DLGAP2: variants seen among roughly 807,000 people sequenced by gnomAD.
The protein encoded by DLGAP2 is DLG associated protein 2.
DLGAP2 carries 26 observed loss-of-function variants against 100.3 expected under a neutral mutation model. That is an observed-to-expected ratio of 0.26 (90% CI 0.19 to 0.36). The LOEUF is 0.36. DLGAP2 is among the 10% of genes least tolerant of loss of function. DLGAP2 has a pLI of 1.00. For synonymous variants in DLGAP2, 886 were observed against 630.1 expected (o/e 1.41, Z -6.08); for missense variants, 1,858 against 1,453.2 (o/e 1.28, Z -4.53).
chr8:851,743 T>C (rs893186535), intron 1 of DLGAP2, among the ~76,000 whole-genome samples: 2 of 152,146 alleles, frequency 1.3e-5, no homozygotes, highest in African/African-American at 2.4e-5. Context: ...CTCCCTCATT[T>C]AACACGATTC....
chr8:1,326,557 G>A (rs1032512130), intron 3 of DLGAP2, among the ~76,000 whole-genome samples: 1 of 151,454 alleles, frequency 6.6e-6, no homozygotes, highest in Non-Finnish European at 1.5e-5. Flanking sequence ...GACATGGCAC[G>A]CACTCGGTCT....
intron 2 of DLGAP2, among the ~76,000 whole-genome samples, chr8:1,196,629 G>T (rs1421011480): frequency 1.3e-5 from 2 of 152,200 alleles, no homozygotes; most frequent in African/African-American, 4.8e-5. Flanking sequence ...GTCGAGGGGG[G>T]TATCTCTGAG....
intron 3 of DLGAP2, among the ~76,000 whole-genome samples, chr8:1,380,871 G>C (rs533453393): frequency 7.9e-6 from 1 of 126,144 alleles, no homozygotes; most frequent in African/African-American, 2.9e-5. Context: ...CATAAGAATT[G>C]CAAAATATGA....
At chr8:1,029,514 T>A (rs1801914149) in intron 2 of DLGAP2, among the ~76,000 whole-genome samples, 1 of 151,764 alleles carries the variant, frequency 6.6e-6, no homozygotes, top group Non-Finnish European at 1.5e-5. Context: ...CGTCCAGCGG[T>A]GCCGAGAGGT....
chr8:1,526,611 G>A (rs148766098), intron 4 of DLGAP2, among the ~76,000 whole-genome samples: 1 of 152,328 alleles, frequency 6.6e-6, no homozygotes, highest in East Asian at 1.9e-4. Context: ...TGACCGCTGA[G>A]TTCTGCCACT....
intron 4 of DLGAP2, among the ~76,000 whole-genome samples, chr8:1,520,923 A>G (rs892369912): frequency 1.3e-5 from 2 of 152,032 alleles, no homozygotes; most frequent in Admixed American, 6.6e-5. Flanking sequence ...TTTGTAAGAA[A>G]CCACGAAACT....
intron 3 of DLGAP2, among the ~76,000 whole-genome samples, chr8:1,464,773 C>G (rs1424755922): frequency 6.6e-6 from 1 of 152,192 alleles, no homozygotes; most frequent in African/African-American, 2.4e-5. Flanking sequence ...CCGTCCTGGC[C>G]TCCAGCGAAG....
At chr8:1,495,489 C>T (rs1478685832) in intron 3 of DLGAP2, among the ~76,000 whole-genome samples, 2 of 152,214 alleles carry the variant, frequency 1.3e-5, no homozygotes, top group South Asian at 2.1e-4. Context: ...GCTGAGGGGC[C>T]GCCATCATGA....
At chr8:1,380,881 A>G (rs1217176998) in intron 3 of DLGAP2, among the ~76,000 whole-genome samples, 1 of 118,004 alleles carries the variant, frequency 8.5e-6, no homozygotes, top group Admixed American at 1.2e-4. Context: ...GCAAAATATG[A>G]TTTTGGTGAC....
chr8:978,922 G>A (rs535908716), intron 2 of DLGAP2, among the ~76,000 whole-genome samples: 5 of 152,264 alleles, frequency 3.3e-5, no homozygotes, highest in Admixed American at 6.5e-5. Context: ...AAATAACTCC[G>A]TAATCTTTCT....
At chr8:1,595,822 T>C (rs1241812923) in intron 6 of DLGAP2, among the ~76,000 whole-genome samples, 1 of 152,080 alleles carries the variant, frequency 6.6e-6, no homozygotes, top group African/African-American at 2.4e-5. Flanking sequence ...AACTAAGTGC[T>C]AAATGAAATT....
At chr8:994,321 C>T (rs545121885) in intron 2 of DLGAP2, among the ~76,000 whole-genome samples, 1 of 152,286 alleles carries the variant, frequency 6.6e-6, no homozygotes, top group East Asian at 1.9e-4. Flanking sequence ...CTGCCTTAGC[C>T]TCCCGAGTAG....
chr8:1,025,905 G>C (rs1801784364), intron 2 of DLGAP2, among the ~76,000 whole-genome samples: 1 of 152,154 alleles, frequency 6.6e-6, no homozygotes, highest in African/African-American at 2.4e-5. Context: ...GACAGAGCAC[G>C]CTGCAGGGAA....
At chr8:1,350,782 G>A (rs1801700751) in intron 3 of DLGAP2, among the ~76,000 whole-genome samples, 1 of 57,008 alleles carries the variant, frequency 1.8e-5, no homozygotes. Flanking sequence ...GCGTGGAAAG[G>A]CCGTGCGGGT....
At chr8:1,352,478 C>G (rs1438688198) in intron 3 of DLGAP2, among the ~76,000 whole-genome samples, 1 of 152,128 alleles carries the variant, frequency 6.6e-6, no homozygotes, top group Non-Finnish European at 1.5e-5. Flanking sequence ...TTATCACTTC[C>G]TAAAAACTCT....
intron 10 of DLGAP2, among the ~76,000 whole-genome samples, chr8:1,675,207 G>T (rs971354258): frequency 6.6e-6 from 1 of 152,198 alleles, no homozygotes; most frequent in African/African-American, 2.4e-5. Context: ...CTGGATCCAC[G>T]GCGGCGGCCG....
At chr8:1,084,878 T>C (rs1803923938) in intron 2 of DLGAP2, among the ~76,000 whole-genome samples, 1 of 152,220 alleles carries the variant, frequency 6.6e-6, no homozygotes, top group Non-Finnish European at 1.5e-5. Flanking sequence ...CAGATCTGTT[T>C]CTGAGTAAAC....
intron 3 of DLGAP2, among the ~76,000 whole-genome samples, chr8:1,475,144 C>T (rs566148722): frequency 5.3e-5 from 8 of 152,254 alleles, no homozygotes; most frequent in Non-Finnish European, 8.8e-5. Context: ...CGTTCTCACT[C>T]ATAAGTGGGA....
intron 1 of DLGAP2, among the ~76,000 whole-genome samples, chr8:865,560 G>C (rs573547789): frequency 2.0e-5 from 3 of 152,242 alleles, no homozygotes; most frequent in African/African-American, 7.2e-5. Context: ...TTCTTCATCT[G>C]CCTTCTCATC....
Sources: allele counts gnomAD v4.1 joint callset (sites outside exome capture counted in the v4.1 genomes callset), GRCh38; gene constraint gnomAD v4.1.1; transcripts MANE v1.5; gene names NCBI Gene and HGNC (gene_info 2026-07-23, HGNC 2026-07-21).